Variants in NCOA3 observed in about 807,000 individuals in gnomAD.
The protein encoded by NCOA3 is CBP-interacting protein.
A neutral mutation model predicts 158.8 loss-of-function variants in NCOA3; 51 were observed. The ratio of observed to expected loss-of-function variants is 0.32; its 90% CI spans 0.26 to 0.41. The LOEUF (loss-of-function observed/expected upper bound fraction) is 0.41, where lower values mean the gene tolerates loss of function less well. Ranked by LOEUF, NCOA3 falls within the 10% of genes least tolerant of loss-of-function variation. The probability of loss-of-function intolerance (pLI) is 1.00; values close to 1 mark genes in which losing one functional copy is unlikely to be tolerated. For missense variants in NCOA3, 1,510 were observed against 1,746.6 expected (o/e 0.86, Z 2.41); for synonymous variants, 537 against 592.4 (o/e 0.91, Z 1.36).
chr20:47,628,444 C>T, intron 8 of NCOA3: 1 of 149,220 alleles, frequency 6.7e-6, no homozygotes, highest in Non-Finnish European at 1.4e-5. Context: ...CGGAGTCTTG[C>T]TCTGTTGCCC....
chr20:47,527,903 T>A (rs1003346604), intron 1 of NCOA3, among the ~76,000 whole-genome samples: 1 of 152,182 alleles, frequency 6.6e-6, no homozygotes, highest in South Asian at 2.1e-4. Context: ...TGCCTCCTTT[T>A]CCTTTCCTTT....
At chr20:47,598,255 A>G (rs963374859) in intron 2 of NCOA3, among the ~76,000 whole-genome samples, 7 of 151,568 alleles carry the variant, frequency 4.6e-5, no homozygotes, top group Non-Finnish European at 1.0e-4. Context: ...TCAAAAAAAA[A>G]AAAAAAAAAA....
In NCOA3 at chr20:47,583,221, T is replaced by C. The variant is rs2085481986; in HGVS notation, c.-60T>C. 2 of 398,654 alleles carry C rather than the reference T, an allele frequency of 5.0e-6. No homozygotes were observed. The highest frequency in any genetic ancestry group is 8.8e-6 in the Non-Finnish European group (2 of 226,070). 24.7% of individuals were successfully genotyped at this position (398,654 alleles called of 1,614,324 possible). ...GCTGGATGGTGGACTCAGAGACCAA[T>C]AAAAATAAACTGCTTGAACATCCTT... On this transcript the variant is annotated 5_prime_UTR_variant, in exon 2 of 23. An upstream open reading frame in the 5' UTR loses its in-frame stop. Coordinates refer to ENST00000371998, the MANE Select transcript of NCOA3 (RefSeq NM_181659.3).
At chr20:47,519,066 G>A (rs532377357) in intron 1 of NCOA3, among the ~76,000 whole-genome samples, 13 of 151,912 alleles carry the variant, frequency 8.6e-5, no homozygotes, top group African/African-American at 2.9e-4. Flanking sequence ...AACCTGGGAA[G>A]TGGAGGTTGC....
chr20:47,533,447 G>T (rs1260781317), intron 1 of NCOA3, among the ~76,000 whole-genome samples: 1 of 151,762 alleles, frequency 6.6e-6, no homozygotes, highest in Non-Finnish European at 1.5e-5. Context: ...ACTAGCAACC[G>T]CATCATCCAT....
intron 8 of NCOA3, among the ~76,000 whole-genome samples, chr20:47,629,746 C>G (rs1391930875): frequency 6.6e-6 from 1 of 152,168 alleles, no homozygotes; most frequent in Non-Finnish European, 1.5e-5. Flanking sequence ...CTCTGCACCT[C>G]TTATGATTTG....
chr20:47,550,518 A>G (rs1455169111), intron 1 of NCOA3, among the ~76,000 whole-genome samples: 1 of 151,948 alleles, frequency 6.6e-6, no homozygotes, highest in African/African-American at 2.4e-5. Context: ...TCAGAGTTTA[A>G]CAAGTGAATG....
In NCOA3 at chr20:47,635,712, A is replaced by T; in HGVS notation, c.1503A>T (p.Ala501=). ...CCTCACATCAGTTTTCTCCTGTTGCAGGTATTTGTGTTGACATTTCCTTTT... is the reference window on the plus strand; with the variant it reads ...CCTCACATCAGTTTTCTCCTGTTGCTGGTATTTGTGTTGACATTTCCTTTT... The part of the protein sequence containing the change: ...KIASHQFSPV[A]GVHSPMASSG... Residue 501 remains alanine (A), a splice_region_variant and synonymous_variant, in exon 11 of 23, where the codon GCA becomes GCT. Transcript: ENST00000371998. The T allele has an allele frequency of 6.2e-7, 1 of 1,610,686 alleles. No homozygotes were observed. Among genetic ancestry groups the T allele is most frequent in the Non-Finnish European group, 8.5e-7 (1 of 1,178,140 alleles).
At chr20:47,567,354 T>C (rs972079206) in intron 1 of NCOA3, among the ~76,000 whole-genome samples, 1 of 151,786 alleles carries the variant, frequency 6.6e-6, no homozygotes, top group African/African-American at 2.4e-5. Flanking sequence ...TTGTACTTTG[T>C]TTTGTTTGAT....
intron 1 of NCOA3, among the ~76,000 whole-genome samples, chr20:47,576,189 A>T (rs1426794524): frequency 2.0e-5 from 3 of 152,204 alleles, no homozygotes; most frequent in African/African-American, 7.2e-5. Context: ...TATGAAAAGG[A>T]TAGAGGAACA....
In NCOA3 at chr20:47,594,694, A is replaced by G. The variant is rs1480726796; in HGVS notation, c.-20+11433A>G. Among the ~76,000 whole-genome samples the G allele has an allele frequency of 1.5e-4, 21 of 140,036 alleles. No individual in the cohort carries two copies. In the South Asian group the frequency reaches 2.3e-3, roughly 15 times the overall value. 91.9% of individuals were successfully genotyped at this position (140,036 alleles called of 152,430 possible). A position where few individuals can be genotyped will look rare whatever the true frequency, so the allele number is the denominator to read the frequency against. ...AAAAAAAAAAAAAAAAAAAAAAAAAAAGAGAAGATGAAAGTCTTCATGATA... is the reference window on the plus strand; with the variant it reads ...AAAAAAAAAAAAAAAAAAAAAAAAAGAGAGAAGATGAAAGTCTTCATGATA... On this transcript the variant is annotated intron_variant, in intron 2 of 22. Transcript: ENST00000371998.
chr20:47,631,656 T>C (rs2086420144), intron 8 of NCOA3, among the ~76,000 whole-genome samples: 1 of 152,242 alleles, frequency 6.6e-6, no homozygotes, highest in South Asian at 2.1e-4. Flanking sequence ...AAAAATGTGA[T>C]CATCTCTCAG....
At chr20:47,518,120 G>A (rs1253584109) in intron 1 of NCOA3, among the ~76,000 whole-genome samples, 1 of 151,988 alleles carries the variant, frequency 6.6e-6, no homozygotes, top group Non-Finnish European at 1.5e-5. Flanking sequence ...GTCGAGGTGG[G>A]AGAATTGCTT....
chr20:47,627,203 A>G (rs2086336768), intron 6 of NCOA3, 27 bp downstream of exon 6: 4 of 1,524,890 alleles, frequency 2.6e-6, no homozygotes, highest in Non-Finnish European at 3.5e-6. Context: ...TATTTTCTAA[A>G]TAGGTTAAAT....
chr20:47,558,675 A>G (rs1320285226), intron 1 of NCOA3, among the ~76,000 whole-genome samples: 1 of 152,020 alleles, frequency 6.6e-6, no homozygotes, highest in African/African-American at 2.4e-5. Flanking sequence ...TGCTTCTTCT[A>G]AGTCATCTTC....
chr20:47,612,290 T>C (rs1305320193), intron 2 of NCOA3, among the ~76,000 whole-genome samples: 1 of 152,176 alleles, frequency 6.6e-6, no homozygotes, highest in Non-Finnish European at 1.5e-5. Context: ...AAAATAGAGT[T>C]ACATACAAGT....
intron 2 of NCOA3, among the ~76,000 whole-genome samples, chr20:47,613,244 G>C (rs1275212008): frequency 1.3e-5 from 2 of 151,840 alleles, no homozygotes; most frequent in Non-Finnish European, 2.9e-5. Flanking sequence ...TCTCCACCAA[G>C]GTAGTTTCTT....
At position 47,639,054 on chromosome 20, in the gene NCOA3, CCGAG is replaced by C. The variant is rs746715116; in HGVS notation, c.2561_2564del (p.Arg854GlnfsTer16). ...TGCAGTCTATTCGTCCTCCATATAA[CCGAG>C]CAGTGTCTCTGGATAGCCCTGTTTC... On this transcript the variant is annotated frameshift_variant, in exon 14 of 23. Transcript: ENST00000371998. LOFTEE classifies it high-confidence loss of function. 1 of 1,614,134 alleles carries C rather than the reference CCGAG, an allele frequency of 6.2e-7. No individual in the cohort carries two copies. The highest frequency in any genetic ancestry group is 8.5e-7 in the Non-Finnish European group (1 of 1,180,014).
chr20:47,595,352 C>T (rs558613446), intron 2 of NCOA3, among the ~76,000 whole-genome samples: 1 of 151,896 alleles, frequency 6.6e-6, no homozygotes, highest in South Asian at 2.1e-4. Context: ...CCCGCCTTGG[C>T]CTACCAAAGT....
Sources: gnomAD v4.1 joint callset for allele counts (sites outside exome capture counted in the v4.1 genomes callset) on GRCh38, gnomAD v4.1.1 for gene constraint, MANE v1.5 for transcripts, NCBI Gene and HGNC (gene_info 2026-07-23, HGNC 2026-07-21) for gene names.